Variants in HECW2 observed in about 807,000 individuals in gnomAD.
HECW2 encodes E3 ubiquitin-protein ligase HECW2.
A neutral mutation model predicts 175.2 loss-of-function variants in HECW2; 61 were observed. That is an observed-to-expected ratio of 0.35 (90% confidence interval 0.28 to 0.43). HECW2 has a LOEUF of 0.43. Among genes scored for constraint, HECW2 ranks in the 20% least tolerant of loss-of-function variants. HECW2 has a pLI of 1.00. For missense variants in HECW2, 1,524 were observed against 2,000.5 expected, an observed-to-expected ratio of 0.76 and a Z score of 4.54; for synonymous variants, 671 against 731.0, an observed-to-expected ratio of 0.92 and a Z score of 1.32.
chr2:196,487,833 A>G (rs987147134), intron 1 of HECW2, among the ~76,000 whole-genome samples: 1 of 152,230 alleles, frequency 6.6e-6, no homozygotes, highest in African/African-American at 2.4e-5. Context: ...CAGTATTCCC[A>G]AGGGTACAGT....
Position 196,564,542 on chromosome 2 carries a change from A to T in HECW2, c.-36+28966T>A, listed in dbSNP as rs115644285. ...AAAGCTTTCTAAATAAATATATCAC[A>T]TACATAGAGAATCAAATGTGACAGA... On this transcript the variant is annotated intron_variant, in intron 1 of 28. Transcript: ENST00000644978. Among the ~76,000 whole-genome samples the T allele has an allele frequency of 2.6e-3, 400 of 152,332 alleles. 2 individuals are homozygous for T. Among genetic ancestry groups the T allele is most frequent in the Middle Eastern group, 0.01 (3 of 294 alleles).
chr2:196,240,251 A>C, intron 21 of HECW2, 198 bp downstream of exon 21: 1 of 378,910 alleles, frequency 2.6e-6, no homozygotes, highest in Non-Finnish European at 4.7e-6. Context: ...ACAAGTTTTT[A>C]CTAAAGGATT....
intron 1 of HECW2, among the ~76,000 whole-genome samples, chr2:196,471,978 A>T (rs1002152603): frequency 7.0e-5 from 5 of 71,382 alleles, no homozygotes; most frequent in South Asian, 4.7e-4. Flanking sequence ...ACAAAAGTTT[A>T]AAAAAAAAAA....
chr2:196,344,026 A>G (rs990803664), intron 2 of HECW2, among the ~76,000 whole-genome samples: 3 of 152,192 alleles, frequency 2.0e-5, no homozygotes, highest in African/African-American at 7.2e-5. Flanking sequence ...ACAAAACTGC[A>G]AAGAACAAAG....
chr2:196,295,746 A>C (rs1372963443), intron 13 of HECW2, among the ~76,000 whole-genome samples: 2 of 152,208 alleles, frequency 1.3e-5, no homozygotes, highest in Non-Finnish European at 2.9e-5. Context: ...TAAGTTAAGA[A>C]ACTCATCCCA....
chr2:196,361,829 G>A (rs1278352880), intron 2 of HECW2: 22 of 985,126 alleles, frequency 2.2e-5, no homozygotes, highest in Non-Finnish European at 2.7e-5. Flanking sequence ...AATCCCAAAG[G>A]TTTTAAAATC....
intron 1 of HECW2, among the ~76,000 whole-genome samples, chr2:196,515,214 C>T (rs556723920): frequency 3.3e-5 from 5 of 152,266 alleles, no homozygotes; most frequent in Admixed American, 1.3e-4. Context: ...CAGAAGCTGG[C>T]GTGCCTGGCT....
chr2:196,323,915 G>GTTTTTTTTTTTTTTTTTTT lies in HECW2; in HGVS notation c.741+1064_741+1065insAAAAAAAAAAAAAAAAAAA, dbSNP rs1160140452. On this transcript the variant is annotated intron_variant, in intron 6 of 28. Coordinates refer to ENST00000644978, the MANE Select transcript of HECW2 (RefSeq NM_001348768.2). ...CCCTTAAGAGTTTTTTTTGTTTTTT[G>GTTTTTTTTTTTTTTTTTTT]TTTGTTTTTTTTTTTTTTTTTTACC... is the stretch of plus-strand genomic sequence containing the variant. Among the ~76,000 whole-genome samples, 6 of 68,792 alleles carry GTTTTTTTTTTTTTTTTTTT rather than the reference G, an allele frequency of 8.7e-5. 2 individuals are homozygous for GTTTTTTTTTTTTTTTTTTT. The highest frequency in any genetic ancestry group is 6.1e-5 in the Non-Finnish European group (2 of 32,632). 45.1% of individuals were successfully genotyped at this position (68,792 alleles called of 152,430 possible). A position where few individuals can be genotyped will look rare whatever the true frequency, so the allele number is the denominator to read the frequency against.
At chr2:196,228,323 G>C (rs937392628) in intron 21 of HECW2, 69 bp from the exon 22 acceptor site, 3 of 1,434,232 alleles carry the variant, frequency 2.1e-6, no homozygotes, top group African/African-American at 1.4e-5. Context: ...TTTTTCTCCA[G>C]AGCTCAAGTT....
At chr2:196,262,077 G>C (rs553336332) in intron 17 of HECW2, among the ~76,000 whole-genome samples, 64 of 152,212 alleles carry the variant, frequency 4.2e-4, no homozygotes, top group Non-Finnish European at 8.2e-4. Context: ...CCAGTCTAGA[G>C]TGCAGTGGTA....
chr2:196,361,180 T>C lies in HECW2; in HGVS notation c.293-17416A>G, dbSNP rs754960545. 3.5e-4 allele frequency among the ~76,000 whole-genome samples: 54 copies of C among 152,326 alleles called. 1 individual carries two copies. The highest frequency in any genetic ancestry group is 1.2e-3 in the South Asian group (6 of 4,830). On this transcript the variant is annotated intron_variant, in intron 2 of 28. Coordinates refer to ENST00000644978, the MANE Select transcript of HECW2 (RefSeq NM_001348768.2). ...AAATAATTAATTAAAGTGGATTTTC[T>C]GCTTGCAAATTTTAGAGGTCTATAG...
chr2:196,527,769 A>G (rs1688719218), intron 1 of HECW2, among the ~76,000 whole-genome samples: 1 of 152,246 alleles, frequency 6.6e-6, no homozygotes, highest in African/African-American at 2.4e-5. Context: ...CCATATTTCA[A>G]GCCCCAGGGG....
intron 1 of HECW2, among the ~76,000 whole-genome samples, chr2:196,503,712 A>T (rs1015758923): frequency 6.6e-5 from 10 of 152,178 alleles, no homozygotes; most frequent in African/African-American, 2.2e-4. Context: ...ACAAGAAAAA[A>T]GTGGAAAGCA....
chr2:196,267,536 TA>T (rs61364788), intron 17 of HECW2, among the ~76,000 whole-genome samples: 7,301 of 145,404 alleles, frequency 0.05, 559 homozygotes, highest in African/African-American at 0.17. Flanking sequence ...GAGGTTTGTT[TA>T]AAAAAAAAAA....
chr2:196,318,914 C>T lies in HECW2; in HGVS notation c.1976G>A (p.Arg659Gln), dbSNP rs75909709. Residue 659 changes from arginine to glutamine, a missense_variant, in exon 9 of 29, where the codon CGG becomes CAG. Transcript: ENST00000644978. ...VTTQLSSVDT[R>Q]CSSLESARFP... is the part of the protein sequence containing the mutation. ...CCGTGCGCTCTCAAGAGAGGAGCACCGTGTGTCCACAGAGGACAGCTGCGT... is the reference window on the plus strand; with the variant it reads ...CCGTGCGCTCTCAAGAGAGGAGCACTGTGTGTCCACAGAGGACAGCTGCGT... 610 of 1,586,298 alleles carry T rather than the reference C, an allele frequency of 3.8e-4. 6 individuals are homozygous for T. In the East Asian group the frequency reaches 0.01, roughly 27 times the overall value.
intron 3 of HECW2, among the ~76,000 whole-genome samples, chr2:196,337,470 G>A (rs1004389711): frequency 3.9e-5 from 6 of 151,986 alleles, no homozygotes; most frequent in African/African-American, 1.4e-4. Flanking sequence ...ATGGACCAAA[G>A]AGCAATGAAT....
Position 196,278,588 on chromosome 2 carries a change from G to A in HECW2, c.3075C>T (p.Pro1025=), listed in dbSNP as rs78365912. Residue 1025 remains proline (P), a synonymous_variant, in exon 15 of 29, where the codon CCC becomes CCT. Transcript: ENST00000644978. ...GTTGCCGATGAACCAGCGCACTTGT[G>A]GGTCTACTGCTCTGAAGTGGGAGCC... ...DPRLPLQSSR[P]TSALVHRQHL... The A allele has an allele frequency of 5.3e-5, 86 of 1,614,082 alleles. No homozygotes were observed. The African/African-American group carries it at 1.1e-3, about 20-fold the overall frequency.
intron 19 of HECW2, among the ~76,000 whole-genome samples, chr2:196,253,330 C>T (rs1575299714): frequency 6.6e-6 from 1 of 152,334 alleles, no homozygotes. Context: ...ATTTTCAAAG[C>T]TCATTTGCCA....
intron 19 of HECW2, among the ~76,000 whole-genome samples, chr2:196,253,204 T>G (rs549718577): frequency 6.6e-6 from 1 of 152,336 alleles, no homozygotes; most frequent in East Asian, 1.9e-4. Context: ...CATATGGAGT[T>G]TGCACTTCTA....
Sources: gnomAD v4.1 joint callset for allele counts (sites outside exome capture counted in the v4.1 genomes callset) on GRCh38, gnomAD v4.1.1 for gene constraint, MANE v1.5 for transcripts, NCBI Gene and HGNC (gene_info 2026-07-23, HGNC 2026-07-21) for gene names.